The following TMEM63B variants were observed in gnomAD, a reference collection of about 807,000 sequenced individuals.
The protein encoded by TMEM63B is transmembrane protein 63B.
Under a neutral mutation model 102.6 loss-of-function variants are expected in TMEM63B, and 23 were observed. The ratio of observed to expected loss-of-function variants is 0.22; its 90% CI spans 0.16 to 0.32. The LOEUF (loss-of-function observed/expected upper bound fraction) is 0.32, where lower values mean the gene tolerates loss of function less well. Ranked by LOEUF, TMEM63B falls within the 10% of genes least tolerant of loss-of-function variation. The probability of loss-of-function intolerance (pLI) is 1.00; values close to 1 mark genes in which losing one functional copy is unlikely to be tolerated. For synonymous variants in TMEM63B, 444 were observed against 437.0 expected, an observed-to-expected ratio of 1.02 and a Z score of -0.20; for missense variants, 628 against 1,095.9, an observed-to-expected ratio of 0.57 and a Z score of 6.03.
chr6:44,140,792 G>A (rs545847156), intron 9 of TMEM63B, among the ~76,000 whole-genome samples: 11 of 152,202 alleles, frequency 7.2e-5, no homozygotes, highest in Middle Eastern at 3.4e-3. Flanking sequence ...ATGGGACGGC[G>A]TGGCTCTTTT....
chr6:44,154,730 C>A lies in TMEM63B; in HGVS notation c.2346C>A (p.Asp782Glu). 1 of 1,581,974 alleles carries A rather than the reference C, an allele frequency of 6.3e-7. No homozygotes were observed. The highest frequency in any genetic ancestry group is 1.2e-5 in the South Asian group (1 of 86,310). The change falls in exon 24 of 24, where the codon GAC becomes GAA. Residue 782 changes from aspartate to glutamate, a missense_variant. Around this residue, in one of 6 missense-constraint regions of TMEM63B, gnomAD observed 129 missense variants for 153.5 expected, o/e 0.84. Coordinates refer to ENST00000323267, the MANE Select transcript of TMEM63B (RefSeq NM_018426.3). ...AGGTGCTGCAGGACTCAGAGGTGGA[C>A]GGGGATGGGGATGGGGCTCCTGGGA... ...IAQVLQDSEVDGDGDGAPGSS... is the reference protein window; with the variant it reads ...IAQVLQDSEVEGDGDGAPGSS...
At chr6:44,130,486 T>C (rs1223357900) in intron 1 of TMEM63B, among the ~76,000 whole-genome samples, 1 of 151,814 alleles carries the variant, frequency 6.6e-6, no homozygotes, top group Non-Finnish European at 1.5e-5. Context: ...TCGCCCAGGA[T>C]GGAGTGCAGT....
In TMEM63B at chr6:44,141,046, A is replaced by T; in HGVS notation, c.730A>T (p.Ile244Phe). The change falls in exon 10 of 24, where the codon ATC becomes TTC. Residue 244 changes from isoleucine to phenylalanine, a missense_variant. Ile to Phe is a conservative substitution (Grantham distance 21). Coordinates refer to ENST00000323267, the MANE Select transcript of TMEM63B (RefSeq NM_018426.3). Reference protein sequence around the residue: ...EDDLVKRTLFINGISKYAESE... With the variant: ...EDDLVKRTLFFNGISKYAESE... ...CACCCAGGTGAAGCGGACCCTCTTC[A>T]TCAATGGAATCTCCAAATATGCAGA... 6.2e-7 allele frequency: 1 copy of T among 1,613,980 alleles called. No individual in the cohort carries two copies. Among genetic ancestry groups the T allele is most frequent in the Non-Finnish European group, 8.5e-7 (1 of 1,179,974 alleles).
chr6:44,141,940 A>G (rs1764350330), intron 10 of TMEM63B, among the ~76,000 whole-genome samples: 1 of 151,308 alleles, frequency 6.6e-6, no homozygotes, highest in Non-Finnish European at 1.5e-5. Context: ...TGGGCAACAT[A>G]GCAAGACCCC....
At chr6:44,141,208 G>A in intron 10 of TMEM63B, 110 bp downstream of exon 10, 1 of 1,102,838 alleles carries the variant, frequency 9.1e-7, no homozygotes, top group Non-Finnish European at 1.3e-6. Flanking sequence ...CCGTGGGTGG[G>A]ATAGAGATTA....
intron 8 of TMEM63B, 99 bp from the exon 9 acceptor site, chr6:44,140,153 C>T (rs1763939036): frequency 2.1e-6 from 2 of 940,196 alleles, no homozygotes; most frequent in Non-Finnish European, 3.3e-6. Flanking sequence ...AGTAGAGGGC[C>T]CTGTCTGTAT....
Position 44,152,583 on chromosome 6 carries a change from T to TC in TMEM63B, c.1837-3dup, listed in dbSNP as rs766766953. 439 of 1,599,682 alleles carry TC rather than the reference T, an allele frequency of 2.7e-4. No individual in the cohort carries two copies. The highest frequency in any genetic ancestry group is 3.5e-4 in the Non-Finnish European group (416 of 1,176,138). On this transcript the variant is annotated splice_polypyrimidine_tract_variant and intron_variant, in intron 19 of 23. Coordinates refer to ENST00000323267, the MANE Select transcript of TMEM63B (RefSeq NM_018426.3). This position sits in a 1 kb window ranked among gnomAD's most constrained non-coding sequence, Gnocchi z 6.4. ...TCCCTGAGCCATCCTCCTGCCCGTC[T>TC]CCCCCCCAGCATCAGGCCTACGAGT...
intron 22 of TMEM63B, 34 bp downstream of exon 22, chr6:44,154,222 G>A: frequency 6.2e-7 from 1 of 1,607,284 alleles, no homozygotes; most frequent in Non-Finnish European, 8.5e-7. Context: ...GATGGCTGCG[G>A]GCAGGAGCTC....
At position 44,150,008 on chromosome 6, in the gene TMEM63B, C is replaced by A; in HGVS notation, c.1520+43C>A. 6.4e-7 allele frequency: 1 copy of A among 1,566,516 alleles called. No individual in the cohort carries two copies. The highest frequency in any genetic ancestry group is 8.7e-7 in the Non-Finnish European group (1 of 1,144,466). On this transcript the variant is annotated intron_variant, in intron 16 of 23. Transcript: ENST00000323267. The surrounding 1 kb of genome is among the most constrained non-coding windows in gnomAD (Gnocchi z 4.7). ...ACACCACACCTCGCTGTGGCCTGCC[C>A]TCAATGACCCATCCTCTCTGGGCAG...
chr6:44,151,366 T>G (rs1220242715), intron 18 of TMEM63B, among the ~76,000 whole-genome samples: 1 of 152,140 alleles, frequency 6.6e-6, no homozygotes, highest in African/African-American at 2.4e-5. Context: ...ACTTGGGGCA[T>G]CTCAGGCACT....
intron 10 of TMEM63B, 42 bp downstream of exon 10, chr6:44,141,140 A>G (rs1224989380): frequency 1.3e-6 from 2 of 1,594,862 alleles, no homozygotes; most frequent in Non-Finnish European, 1.7e-6. Flanking sequence ...GCCCTGCTGC[A>G]GAGCCTTCTC....
rs754950053 is a variant in TMEM63B, at chr6:44,152,584, C to G, written c.1837-9C>G. ...CCCTGAGCCATCCTCCTGCCCGTCT[C>G]CCCCCCAGCATCAGGCCTACGAGTT... On this transcript the variant is annotated splice_polypyrimidine_tract_variant and intron_variant, in intron 19 of 23. Coordinates refer to ENST00000323267, the MANE Select transcript of TMEM63B (RefSeq NM_018426.3). The surrounding 1 kb of genome is among the most constrained non-coding windows in gnomAD (Gnocchi z 6.4). 14 of 1,595,794 alleles carry G rather than the reference C, an allele frequency of 8.8e-6. No individual in the cohort carries two copies. Among genetic ancestry groups the G allele is most frequent in the African/African-American group, 2.7e-5 (2 of 74,604 alleles).
At position 44,148,463 on chromosome 6, in the gene TMEM63B, G is replaced by T; in HGVS notation, c.1122-50G>T. The T allele has an allele frequency of 6.2e-7, 1 of 1,612,562 alleles. No individual in the cohort carries two copies. The highest frequency in any genetic ancestry group is 1.3e-5 in the African/African-American group (1 of 75,044). ...CCCCTGTGCTCATGGCCTTCTGCCA[G>T]CAGTGTGGCCTCCAGGTGGGCCTGT... is the stretch of plus-strand genomic sequence containing the variant. On this transcript the variant is annotated intron_variant, in intron 13 of 23. Transcript: ENST00000323267. This position sits in a 1 kb window ranked among gnomAD's most constrained non-coding sequence, Gnocchi z 5.1.
At chr6:44,146,598 G>C (rs577584847) in intron 10 of TMEM63B, among the ~76,000 whole-genome samples, 5 of 152,010 alleles carry the variant, frequency 3.3e-5, no homozygotes, top group African/African-American at 7.2e-5. Flanking sequence ...CTACAGGCAC[G>C]TGCCACCATG....
At position 44,153,749 on chromosome 6, in the gene TMEM63B, G is replaced by A. The variant is rs1191809954; in HGVS notation, c.2016G>A (p.Leu672=). ...NLYYAYLPAK[L]DKKIHSGAVN... is the part of the protein sequence containing the mutation. ...ACTACGCCTACCTGCCGGCCAAGCT[G>A]GACAAGAAGATCCACTCGGGGGCTG... The change falls in exon 21 of 24, where the codon CTG becomes CTA. Residue 672 remains leucine, a synonymous_variant. Coordinates refer to ENST00000323267, the MANE Select transcript of TMEM63B (RefSeq NM_018426.3). 2.5e-6 allele frequency: 4 copies of A among 1,614,164 alleles called. No individual in the cohort carries two copies. The East Asian group carries it at 8.9e-5, about 36-fold the overall frequency.
intron 1 of TMEM63B, 102 bp from the exon 2 acceptor site, chr6:44,134,459 C>A: frequency 1.6e-6 from 2 of 1,247,814 alleles, no homozygotes; most frequent in Non-Finnish European, 2.2e-6. Context: ...TCCACCCAGG[C>A]AGCCTGGTGA....
Position 44,148,005 on chromosome 6 carries a change from C to T in TMEM63B, c.988-247C>T, listed in dbSNP as rs188206358. On this transcript the variant is annotated intron_variant, in intron 12 of 23. Transcript: ENST00000323267. This position sits in a 1 kb window ranked among gnomAD's most constrained non-coding sequence, Gnocchi z 5.1. ...AGGCATGGTACTGCACACATGTATT[C>T]CCAGCCACTTGGGAGGCTGAGGTGG... Among the ~76,000 whole-genome samples, 6 of 152,304 alleles carry T rather than the reference C, an allele frequency of 3.9e-5. No individual in the cohort carries two copies. In the East Asian group the frequency reaches 1.2e-3, roughly 29 times the overall value.
chr6:44,151,949 A>C lies in TMEM63B; in HGVS notation c.1777A>C (p.Met593Leu), dbSNP rs751839248. The change falls in exon 19 of 24, where the codon ATG becomes CTG. Residue 593 changes from methionine to leucine, a missense_variant. Met to Leu is a conservative substitution (Grantham distance 15). Around this residue, in one of 6 missense-constraint regions of TMEM63B, gnomAD observed 90 missense variants for 136.7 expected, o/e 0.66. Transcript: ENST00000323267. Reference protein sequence around the residue: ...MDLLRIPGLLMYMIRLCLARS... With the variant: ...MDLLRIPGLLLYMIRLCLARS... ...CCTGCTGCGCATCCCAGGCCTGCTC[A>C]TGTACATGATCCGGCTCTGCCTGGC... The C allele has an allele frequency of 4.3e-6, 7 of 1,613,350 alleles. 1 individual carries two copies. In the South Asian group the frequency reaches 4.4e-5, roughly 10 times the overall value.
chr6:44,134,524 G>C, intron 1 of TMEM63B, 37 bp from the exon 2 acceptor site: 1 of 1,585,296 alleles, frequency 6.3e-7, no homozygotes, highest in Middle Eastern at 1.7e-4. Flanking sequence ...GAAGGGGATG[G>C]GGGCAAGCCC....
Sources: gnomAD v4.1 joint callset for allele counts (sites outside exome capture counted in the v4.1 genomes callset) on GRCh38, gnomAD v4.1.1 for gene constraint, gnomAD v4.1.1 regional missense constraint, Gnocchi (gnomAD v3.1) non-coding constraint, MANE v1.5 for transcripts, NCBI Gene and HGNC (gene_info 2026-07-23, HGNC 2026-07-21) for gene names.